Variants in ATP11A observed in about 807,000 individuals in gnomAD.
ATP11A encodes ATPase phospholipid transporting 11A, also known as phospholipid-transporting ATPase IH.
ATP11A carries 81 observed loss-of-function variants against 154.4 expected under a neutral mutation model. The observed-to-expected ratio is 0.52, with a 90% confidence interval of 0.44 to 0.63. The LOEUF is 0.63. ATP11A is among the 30% of genes least tolerant of loss of function. ATP11A has a pLI of 0.00. For synonymous variants in ATP11A, 623 were observed against 585.9 expected (o/e 1.06, Z -0.91); for missense variants, 1,316 against 1,474.3 (o/e 0.89, Z 1.76).
intron 1 of ATP11A, among the ~76,000 whole-genome samples, chr13:112,769,880 G>A (rs1238810547): frequency 6.6e-6 from 1 of 152,244 alleles, no homozygotes; most frequent in Non-Finnish European, 1.5e-5. Context: ...CCACGCGGCT[G>A]TAAATGGACA....
rs1892117500 is a variant in ATP11A at position 112,746,233 on chromosome 13, A to C, written c.40-38902A>C. On this transcript the variant is annotated intron_variant, in intron 1 of 29. Coordinates refer to ENST00000375645, the MANE Select transcript of ATP11A (RefSeq NM_015205.3). The surrounding 1 kb of genome is among the most constrained non-coding windows in gnomAD (Gnocchi z 4.1). ...CTGGATCCTGTGCTGGGTCATACCT[A>C]TGTTTAATTCTCTGAGGAACCTCCG... is the stretch of plus-strand genomic sequence containing the variant. 6.6e-6 allele frequency: 1 copy of C among 152,172 alleles called. No individual in the cohort carries two copies. Among genetic ancestry groups the C allele is most frequent in the African/African-American group, 2.4e-5 (1 of 41,422 alleles). 9.4% of individuals were successfully genotyped at this position (152,172 alleles called of 1,614,324 possible). A position where few individuals can be genotyped will look rare whatever the true frequency, so the allele number is the denominator to read the frequency against.
At position 112,856,046 on chromosome 13, in the gene ATP11A, G is replaced by T; in HGVS notation, c.2379G>T (p.Ala793=). ...LFLEICRSCS[A]VLCCRMAPLQ... ...TGGAAATCTGCCGGAGCTGCAGCGC[G>T]GTGCTCTGCTGCCGCATGGCGCCCT... is the stretch of plus-strand genomic sequence containing the variant. Residue 793 remains alanine (A), a synonymous_variant, in exon 20 of 30, where the codon GCG becomes GCT. Transcript: ENST00000375645. 1 of 1,613,862 alleles carries T rather than the reference G, an allele frequency of 6.2e-7. No individual in the cohort carries two copies. Among genetic ancestry groups the T allele is most frequent in the African/African-American group, 1.3e-5 (1 of 74,998 alleles).
At chr13:112,727,836 T>A (rs988589922) in intron 1 of ATP11A, among the ~76,000 whole-genome samples, 6 of 152,248 alleles carry the variant, frequency 3.9e-5, no homozygotes, top group Admixed American at 6.5e-5. Context: ...ACTCCGGCGC[T>A]GGGCGAGGAA....
chr13:112,722,273 G>A (rs2139640513), intron 1 of ATP11A, among the ~76,000 whole-genome samples: 1 of 151,062 alleles, frequency 6.6e-6, no homozygotes. Context: ...TGGGCCGGCG[G>A]GGGGTAGGGG....
chr13:112,808,806 G>A (rs1008479205), intron 4 of ATP11A, among the ~76,000 whole-genome samples: 1 of 152,148 alleles, frequency 6.6e-6, no homozygotes, highest in Non-Finnish European at 1.5e-5. Flanking sequence ...CTTTCCCTGT[G>A]GCACCCAGCC....
At chr13:112,828,260 G>T (rs1390383219) in intron 12 of ATP11A, among the ~76,000 whole-genome samples, 2 of 148,602 alleles carry the variant, frequency 1.3e-5, no homozygotes, top group African/African-American at 5.0e-5. Flanking sequence ...GGAGTGGGAG[G>T]AAAGCACCCA....
rs143638598 is a variant in ATP11A, at chr13:112,845,271, G to A, written c.1809+2892G>A. Among the ~76,000 whole-genome samples, 427 of 93,998 alleles carry A rather than the reference G, an allele frequency of 4.5e-3. 52 individuals are homozygous for A. Among genetic ancestry groups the A allele is most frequent in the African/African-American group, 0.02 (326 of 16,492 alleles). 61.7% of individuals were successfully genotyped at this position (93,998 alleles called of 152,430 possible). ...AACCAATCCAGTTGCCAGCACTAGC[G>A]GTACTATTCAGTCCAGTTGCCAGGC... is the stretch of plus-strand genomic sequence containing the variant. On this transcript the variant is annotated intron_variant, in intron 17 of 29. Coordinates refer to ENST00000375645, the MANE Select transcript of ATP11A (RefSeq NM_015205.3).
rs995690521 is a variant in ATP11A at position 112,883,165 on chromosome 13, A to G, written c.*1299A>G. ...TCGTCCCCTTGTCCCGTCCCCACATACCCTCGTCCCCATGTCCCCACGCAG... is the reference window on the plus strand; with the variant it reads ...TCGTCCCCTTGTCCCGTCCCCACATGCCCTCGTCCCCATGTCCCCACGCAG... On this transcript the variant is annotated 3_prime_UTR_variant, in exon 30 of 30. Coordinates refer to ENST00000375645, the MANE Select transcript of ATP11A (RefSeq NM_015205.3). 1 of 391,468 alleles carries G rather than the reference A, an allele frequency of 2.6e-6. No individual in the cohort carries two copies. The highest frequency in any genetic ancestry group is 4.5e-6 in the Non-Finnish European group (1 of 223,936). 24.2% of individuals were successfully genotyped at this position (391,468 alleles called of 1,614,324 possible).
intron 1 of ATP11A, among the ~76,000 whole-genome samples, chr13:112,701,878 C>T (rs1886584425): frequency 1.3e-5 from 2 of 151,970 alleles, no homozygotes; most frequent in South Asian, 2.1e-4. Flanking sequence ...GGTTCCGCGT[C>T]GCCCTTTTCC....
At chr13:112,805,233 CTA>C (rs2078288216) in intron 3 of ATP11A, among the ~76,000 whole-genome samples, 187 bp downstream of exon 3, 2 of 152,200 alleles carry the variant, frequency 1.3e-5, no homozygotes, top group Admixed American at 1.3e-4. Context: ...ACAAGCTAAA[CTA>C]CACACGACGC....
rs776547544 is a variant in ATP11A at position 112,855,912 on chromosome 13, C to T, written c.2245C>T (p.Leu749Phe). ...TTTCTGACTCACGTACTCTAACAGA[C>T]TTTCAGCAGATATGCAGGACTACGG... ...GSLTRDNLSG[L>F]SADMQDYGLI... Residue 749 changes from leucine (L) to phenylalanine (F), a missense_variant and splice_region_variant, in exon 20 of 30, where the codon CTT becomes TTT. Transcript: ENST00000375645. 1.7e-5 allele frequency: 28 copies of T among 1,607,800 alleles called. No individual in the cohort carries two copies. The highest frequency in any genetic ancestry group is 2.3e-5 in the Non-Finnish European group (27 of 1,175,876).
At chr13:112,844,733 A>T in intron 17 of ATP11A, among the ~76,000 whole-genome samples, 1 of 115,460 alleles carries the variant, frequency 8.7e-6, no homozygotes, top group South Asian at 2.5e-4. Context: ...TAGTCCAAGT[A>T]CCTCTAGCGG....
intron 1 of ATP11A, among the ~76,000 whole-genome samples, chr13:112,752,191 G>T (rs948611748): frequency 1.3e-5 from 2 of 152,208 alleles, no homozygotes; most frequent in African/African-American, 4.8e-5. Flanking sequence ...GTTTCAAGGT[G>T]GGGGACGTCT....
In ATP11A at chr13:112,831,513, G is replaced by T; in HGVS notation, c.1360G>T (p.Asp454Tyr). ...GQVLPESSGIDMIDSSPSVNG... is the reference protein window; with the variant it reads ...GQVLPESSGIYMIDSSPSVNG... ...GGTCCTCCCAGAGTCGTCAGGAATC[G>T]ACATGATTGACTCGTCCCCCAGCGT... The change falls in exon 13 of 30, where the codon GAC becomes TAC. Residue 454 changes from aspartate to tyrosine, a missense_variant. By Grantham distance (160) the Asp-to-Tyr change is radical (BLOSUM62 -3). Coordinates refer to ENST00000375645, the MANE Select transcript of ATP11A (RefSeq NM_015205.3). 1 of 1,614,186 alleles carries T rather than the reference G, an allele frequency of 6.2e-7. No individual in the cohort carries two copies. The highest frequency in any genetic ancestry group is 1.1e-5 in the South Asian group (1 of 91,076).
In ATP11A at chr13:112,852,747, T is replaced by C. The variant is rs2079803050; in HGVS notation, c.1991+1529T>C. On this transcript the variant is annotated intron_variant, in intron 18 of 29. Coordinates refer to ENST00000375645, the MANE Select transcript of ATP11A (RefSeq NM_015205.3). ...GGGGGGCAGGTTGACTTGACTGGAA[T>C]GGGAATGTAGAAGAGTGGAGAGTTA... Among the ~76,000 whole-genome samples, 4 of 133,378 alleles carry C rather than the reference T, an allele frequency of 3.0e-5. No homozygotes were observed. The Admixed American group carries it at 3.3e-4, about 11-fold the overall frequency. 87.5% of individuals were successfully genotyped at this position (133,378 alleles called of 152,430 possible). A position where few individuals can be genotyped will look rare whatever the true frequency, so the allele number is the denominator to read the frequency against.
At chr13:112,805,636 A>G (rs1436872666) in intron 3 of ATP11A, among the ~76,000 whole-genome samples, 1 of 149,532 alleles carries the variant, frequency 6.7e-6, no homozygotes, top group African/African-American at 2.5e-5. Flanking sequence ...AGATCGTGCC[A>G]CTACACTCCA....
At chr13:112,762,472 A>C (rs2076984914) in intron 1 of ATP11A, among the ~76,000 whole-genome samples, 1 of 151,840 alleles carries the variant, frequency 6.6e-6, no homozygotes, top group Non-Finnish European at 1.5e-5. Flanking sequence ...TGCAACAATC[A>C]CTTGTTGACA....
At chr13:112,739,867 C>A (rs1891355039) in intron 1 of ATP11A, among the ~76,000 whole-genome samples, 2 of 152,042 alleles carry the variant, frequency 1.3e-5, no homozygotes, top group African/African-American at 4.8e-5. Flanking sequence ...GTGAAGGAAG[C>A]TAGAAATAAA....
chr13:112,714,368 T>A (rs1179220836), intron 1 of ATP11A, among the ~76,000 whole-genome samples: 1 of 152,122 alleles, frequency 6.6e-6, no homozygotes, highest in African/African-American at 2.4e-5. Context: ...AACCCACGTC[T>A]CTGCAGGGAA....
Sources: gnomAD v4.1 joint callset for allele counts (sites outside exome capture counted in the v4.1 genomes callset) on GRCh38, gnomAD v4.1.1 for gene constraint, Gnocchi (gnomAD v3.1) non-coding constraint, MANE v1.5 for transcripts, NCBI Gene and HGNC (gene_info 2026-07-23, HGNC 2026-07-21) for gene names.